Variants in TRPM7 observed in about 807,000 individuals in gnomAD.
The protein encoded by TRPM7 is LTRPC ion channel family member 7.
TRPM7 carries 134 observed loss-of-function variants against 229.7 expected under a neutral mutation model. That is an observed-to-expected ratio of 0.58 (90% CI 0.51 to 0.67). The LOEUF (loss-of-function observed/expected upper bound fraction) is 0.67. TRPM7 is among the 30% of genes least tolerant of loss of function. TRPM7 has a pLI of 0.00. For missense variants in TRPM7, 1,901 were observed against 2,210.0 expected (o/e 0.86, Z 2.80); for synonymous variants, 699 against 715.2 (o/e 0.98, Z 0.36).
chr15:50,634,571 G>C lies in TRPM7; in HGVS notation c.833-15C>G, dbSNP rs754426260. The C allele has an allele frequency of 7.3e-7, 1 of 1,365,640 alleles. No homozygotes were observed. Among genetic ancestry groups the C allele is most frequent in the Non-Finnish European group, 9.5e-7 (1 of 1,050,628 alleles). 84.6% of individuals were successfully genotyped at this position (1,365,640 alleles called of 1,614,324 possible). On this transcript the variant is annotated splice_polypyrimidine_tract_variant and intron_variant, in intron 7 of 38. Transcript: ENST00000646667. Reference sequence around the variant, plus strand: ...CTGGCCAATCCCTAAAAAGAGCAAAGTTAAATTAAAAAATTATTTCATCCC... The same window carrying C: ...CTGGCCAATCCCTAAAAAGAGCAAACTTAAATTAAAAAATTATTTCATCCC...
intron 5 of TRPM7, among the ~76,000 whole-genome samples, chr15:50,642,253 G>C (rs957028150): frequency 6.6e-6 from 1 of 152,156 alleles, no homozygotes; most frequent in African/African-American, 2.4e-5. Flanking sequence ...ATAATGCTTT[G>C]CTCTACAGTA....
chr15:50,576,254 GCCATGTAAATAT>G (rs2054130336), intron 31 of TRPM7, among the ~76,000 whole-genome samples: 2 of 152,074 alleles, frequency 1.3e-5, no homozygotes, highest in South Asian at 4.1e-4. Context: ...GGGGACTGTA[GCCATGTAAATAT>G]TTTAGCAGGT....
chr15:50,565,000 C>T (rs551645205), intron 38 of TRPM7, among the ~76,000 whole-genome samples: 7 of 145,008 alleles, frequency 4.8e-5, no homozygotes, highest in East Asian at 2.0e-4. Context: ...GGCCAGATTG[C>T]TTTTTTTTTT....
intron 19 of TRPM7, among the ~76,000 whole-genome samples, chr15:50,608,891 T>C (rs1296244879): frequency 6.6e-6 from 1 of 152,210 alleles, no homozygotes; most frequent in East Asian, 1.9e-4. Context: ...GGTCCATTGC[T>C]AGGGAAAGTA....
intron 12 of TRPM7, among the ~76,000 whole-genome samples, chr15:50,621,505 A>G (rs1596226342): frequency 6.6e-6 from 1 of 152,346 alleles, no homozygotes; most frequent in Non-Finnish European, 1.5e-5. Flanking sequence ...TGATTCCTTC[A>G]GGAGTTCCAC....
At chr15:50,618,942 T>C (rs1031071286) in intron 13 of TRPM7, among the ~76,000 whole-genome samples, 2 of 152,180 alleles carry the variant, frequency 1.3e-5, no homozygotes, top group African/African-American at 4.8e-5. Flanking sequence ...AAGGACATGA[T>C]TTCATTCTTT....
At chr15:50,581,220 C>T (rs566348502) in intron 29 of TRPM7, among the ~76,000 whole-genome samples, 34 of 151,912 alleles carry the variant, frequency 2.2e-4, no homozygotes, top group African/African-American at 7.2e-4. Context: ...TATTTGTGGC[C>T]GGGTACGGTG....
At chr15:50,573,171 C>T (rs1330906256) in intron 36 of TRPM7, among the ~76,000 whole-genome samples, 2 of 152,142 alleles carry the variant, frequency 1.3e-5, no homozygotes, top group African/African-American at 4.8e-5. Context: ...ATCGTTCTAC[C>T]CATCAACTGC....
chr15:50,676,598 G>A (rs118035747), intron 1 of TRPM7, among the ~76,000 whole-genome samples: 3 of 151,860 alleles, frequency 2.0e-5, no homozygotes, highest in East Asian at 3.9e-4. Flanking sequence ...AAAGACTTGA[G>A]GACACTGAAG....
chr15:50,682,799 T>A (rs995739924), intron 1 of TRPM7, among the ~76,000 whole-genome samples: 37 of 152,168 alleles, frequency 2.4e-4, no homozygotes. Flanking sequence ...AAGTTCTTTT[T>A]ACTGATTCAC....
chr15:50,622,190 TCA>T (rs2060426952), intron 12 of TRPM7, among the ~76,000 whole-genome samples: 1 of 152,226 alleles, frequency 6.6e-6, no homozygotes, highest in African/African-American at 2.4e-5. Context: ...TTTAAAACTC[TCA>T]TTTTTACATT....
At chr15:50,613,593 A>G in intron 15 of TRPM7, 114 bp downstream of exon 15, 2 of 962,296 alleles carry the variant, frequency 2.1e-6, no homozygotes, top group African/African-American at 3.4e-5. Context: ...GGACATATCC[A>G]AAAACGAAAG....
chr15:50,604,367 G>A (rs12101377), intron 21 of TRPM7: 10,095 of 152,498 alleles, frequency 0.066, 485 homozygotes, highest in African/African-American at 0.13. Flanking sequence ...GAGGTCAGGA[G>A]TTTGGGACCA....
chr15:50,567,686 A>G (rs2053665254), intron 38 of TRPM7, among the ~76,000 whole-genome samples: 2 of 152,164 alleles, frequency 1.3e-5, no homozygotes, highest in Non-Finnish European at 2.9e-5. Flanking sequence ...AATCGATGTA[A>G]TACACTATAT....
intron 3 of TRPM7, 142 bp downstream of exon 3, chr15:50,657,639 C>A: frequency 1.4e-6 from 1 of 691,614 alleles, no homozygotes; most frequent in Non-Finnish European, 2.4e-6. Flanking sequence ...TTGACTGACC[C>A]TTCACCTTCC....
intron 23 of TRPM7, 63 bp from the exon 24 acceptor site, chr15:50,594,676 CTGA>C (rs1196153860): frequency 3.6e-6 from 4 of 1,104,678 alleles, no homozygotes; most frequent in Admixed American, 5.7e-5. Flanking sequence ...GTTTTAAATA[CTGA>C]TGATTTCATT....
intron 10 of TRPM7, among the ~76,000 whole-genome samples, chr15:50,630,195 A>AT (rs1317699136): frequency 2.0e-5 from 3 of 151,262 alleles, no homozygotes; most frequent in African/African-American, 7.3e-5. Context: ...CCATTTATTA[A>AT]TTTTTTTTCC....
chr15:50,611,356 T>C (rs2060057712), intron 16 of TRPM7, 35 bp from the exon 17 acceptor site: 3 of 1,527,084 alleles, frequency 2.0e-6, no homozygotes, highest in Non-Finnish European at 2.7e-6. Context: ...ATACTCAGAT[T>C]AACAAACTGC....
At chr15:50,656,444 A>G (rs1039962801) in intron 3 of TRPM7, among the ~76,000 whole-genome samples, 2 of 151,866 alleles carry the variant, frequency 1.3e-5, no homozygotes, top group African/African-American at 4.8e-5. Context: ...CAGCCTCTTA[A>G]GTAGCTGGGA....
Sources: allele counts gnomAD v4.1 joint callset (sites outside exome capture counted in the v4.1 genomes callset), GRCh38; gene constraint gnomAD v4.1.1; transcripts MANE v1.5; gene names NCBI Gene and HGNC (gene_info 2026-07-23, HGNC 2026-07-21).